The following TRIM37 variants were observed in gnomAD, a reference collection of about 807,000 sequenced individuals.
TRIM37 encodes the protein E3 ubiquitin-protein ligase TRIM37.
A neutral mutation model predicts 129.8 loss-of-function variants in TRIM37; 80 were observed. That is an observed-to-expected ratio of 0.62 (90% CI 0.51 to 0.74). TRIM37 has a LOEUF of 0.74. TRIM37 is among the 30% of genes least tolerant of loss of function. TRIM37 has a pLI of 0.00. For synonymous variants in TRIM37, 389 were observed against 387.1 expected, an observed-to-expected ratio of 1.00 and a Z score of -0.06; for missense variants, 1,054 against 1,176.5, an observed-to-expected ratio of 0.90 and a Z score of 1.52.
chr17:59,056,311 T>A (rs1055665555), intron 13 of TRIM37, among the ~76,000 whole-genome samples: 4 of 151,994 alleles, frequency 2.6e-5, no homozygotes, highest in Non-Finnish European at 4.4e-5. Context: ...CCATAGTAGA[T>A]GGAAACACCG....
downstream of TRIM37, chr17:58,981,858 T>C (rs116265099): frequency 6.5e-6 from 1 of 152,776 alleles, no homozygotes; most frequent in African/African-American, 2.4e-5. Context: ...GGAATAAAAC[T>C]GCTTTAACGG....
At chr17:59,087,220 C>G (rs887740080) in intron 4 of TRIM37, among the ~76,000 whole-genome samples, 3 of 152,000 alleles carry the variant, frequency 2.0e-5, no homozygotes, top group Non-Finnish European at 4.4e-5. Flanking sequence ...CTCAGCCCCC[C>G]AAGTAGCTGG....
downstream of TRIM37, among the ~76,000 whole-genome samples, chr17:58,978,457 T>C (rs990798424): frequency 7.2e-4 from 109 of 152,310 alleles, no homozygotes; most frequent in Middle Eastern, 6.8e-3. Context: ...ATGCCTGTTA[T>C]CCCAGCACTT....
At chr17:59,012,889 AT>A (rs1002257491) in intron 21 of TRIM37, among the ~76,000 whole-genome samples, 5 of 150,510 alleles carry the variant, frequency 3.3e-5, no homozygotes, top group Non-Finnish European at 5.9e-5. Context: ...AAAAAAAAAA[AT>A]TTTTTTTTCA....
intron 7 of TRIM37, among the ~76,000 whole-genome samples, chr17:59,078,040 G>A (rs2042965472): frequency 6.6e-6 from 1 of 150,976 alleles, no homozygotes; most frequent in Non-Finnish European, 1.5e-5. Flanking sequence ...CAGGAGAATT[G>A]CTTGAACCCA....
At chr17:59,098,866 C>A (rs2045175277) in intron 2 of TRIM37, among the ~76,000 whole-genome samples, 2 of 151,960 alleles carry the variant, frequency 1.3e-5, no homozygotes. Context: ...GTGAAAACAA[C>A]CCAAGTGTCC....
intron 2 of TRIM37, among the ~76,000 whole-genome samples, chr17:59,102,913 G>A (rs948871254): frequency 2.0e-5 from 3 of 151,286 alleles, no homozygotes; most frequent in African/African-American, 7.3e-5. Flanking sequence ...TCGCTCTGTC[G>A]CCAGGCTGGA....
At chr17:59,102,502 CAAT>C (rs1217897428) in intron 2 of TRIM37, among the ~76,000 whole-genome samples, 1 of 152,108 alleles carries the variant, frequency 6.6e-6, no homozygotes, top group Non-Finnish European at 1.5e-5. Context: ...GCTATTTTAA[CAAT>C]AAAATAACAC....
In TRIM37 at chr17:59,039,510, C is replaced by T. The variant is rs146545135; in HGVS notation, c.1753+2303G>A. On this transcript the variant is annotated intron_variant, in intron 17 of 23. Transcript: ENST00000262294. The stretch of plus-strand genomic sequence containing the variant: ...TACAGGCGCCTGCCATCACACCTGG[C>T]TAATTTTTGTATTTTTAGTAGAGAG... Among the ~76,000 whole-genome samples, 361 of 152,196 alleles carry T rather than the reference C, an allele frequency of 2.4e-3. 5 individuals carry two copies. The highest frequency in any genetic ancestry group is 8.3e-3 in the African/African-American group (345 of 41,534).
intron 2 of TRIM37, among the ~76,000 whole-genome samples, chr17:59,103,354 T>G (rs1376791250): frequency 6.6e-6 from 1 of 152,006 alleles, no homozygotes. Context: ...TGTTTTTTGT[T>G]TTTTTGAGAC....
intron 16 of TRIM37, among the ~76,000 whole-genome samples, chr17:59,042,447 A>ATAT (rs1366333212): frequency 2.8e-3 from 109 of 38,926 alleles, no homozygotes; most frequent in South Asian, 8.3e-3. Flanking sequence ...AAAAAAAAAA[A>ATAT]AAATATATAT....
At chr17:59,020,485 T>C (rs771889965) in intron 19 of TRIM37, among the ~76,000 whole-genome samples, 3 of 151,730 alleles carry the variant, frequency 2.0e-5, no homozygotes, top group South Asian at 2.1e-4. Flanking sequence ...ATAGAATAAA[T>C]GACTGTATAT....
chr17:58,983,167 G>A, intron 24 of TRIM37: 1 of 433,742 alleles, frequency 2.3e-6, no homozygotes, highest in Non-Finnish European at 4.1e-6. Context: ...GATTTTGTAG[G>A]TCCGACTACA....
the TRIM37 span, among the ~76,000 whole-genome samples, chr17:58,973,859 G>A: frequency 1.3e-5 from 2 of 148,950 alleles, no homozygotes; most frequent in South Asian, 4.2e-4. Flanking sequence ...GGTTGAGGCA[G>A]GAGAATCACT....
chr17:58,994,176 TG>T (rs1401662076), downstream of TRIM37, among the ~76,000 whole-genome samples: 2 of 152,066 alleles, frequency 1.3e-5, no homozygotes, highest in African/African-American at 4.8e-5. Context: ...CCTCTGGAGC[TG>T]AACTGTTACC....
chr17:59,012,472 T>C (rs766051877), intron 21 of TRIM37, 26 bp from the exon 22 acceptor site: 2 of 1,437,384 alleles, frequency 1.4e-6, no homozygotes, highest in African/African-American at 1.4e-5. Context: ...AACTTGATAT[T>C]TCTCTATAAC....
intron 16 of TRIM37, among the ~76,000 whole-genome samples, chr17:59,042,926 T>C (rs915269028): frequency 3.3e-5 from 5 of 152,120 alleles, no homozygotes; most frequent in Non-Finnish European, 7.4e-5. Flanking sequence ...CACTAATAAA[T>C]ACAAGAACCA....
chr17:59,010,171 T>C lies in TRIM37; in HGVS notation c.2695+2157A>G, dbSNP rs557304332. Among the ~76,000 whole-genome samples, 17 of 152,332 alleles carry C rather than the reference T, an allele frequency of 1.1e-4. No homozygotes were observed. The East Asian group carries it at 3.3e-3, about 29-fold the overall frequency. On this transcript the variant is annotated intron_variant, in intron 22 of 23. Coordinates refer to ENST00000262294, the MANE Select transcript of TRIM37 (RefSeq NM_015294.6). ...AGTGGTCACCTCTGGTTGAGAATTATTTAGTTCAACTATTGGTTCTTGACT... is the reference window on the plus strand; with the variant it reads ...AGTGGTCACCTCTGGTTGAGAATTACTTAGTTCAACTATTGGTTCTTGACT...
Position 59,056,955 on chromosome 17 carries a change from C to T in TRIM37, c.1119G>A (p.Trp373Ter). Residue 373 changes from tryptophan (W) to a stop codon, truncating the protein, a stop_gained, in exon 13 of 24, where the codon TGG becomes TGA. Transcript: ENST00000262294. LOFTEE classifies it high-confidence loss of function. Reference sequence around the variant, plus strand: ...CCAAACGGAAAAATCTATTATAGCCCCAGCATTCTCCAACTTCAAAGTCAG... The same window carrying T: ...CCAAACGGAAAAATCTATTATAGCCTCAGCATTCTCCAACTTCAAAGTCAG... The part of the protein sequence containing the change: ...FASDFEVGEC[W>*]GYNRFFRLDL... The T allele has an allele frequency of 6.2e-7, 1 of 1,613,728 alleles. No homozygotes were observed. The highest frequency in any genetic ancestry group is 2.2e-5 in the East Asian group (1 of 44,810).
Sources: gnomAD v4.1 joint callset for allele counts (sites outside exome capture counted in the v4.1 genomes callset) on GRCh38, gnomAD v4.1.1 for gene constraint, MANE v1.5 for transcripts, NCBI Gene and HGNC (gene_info 2026-07-23, HGNC 2026-07-21) for gene names.